The following P2RX7 variants were observed in gnomAD, a reference collection of about 807,000 sequenced individuals.
P2RX7 encodes purinergic receptor P2X 7.
P2RX7 carries 62 observed loss-of-function variants against 71.6 expected under a neutral mutation model. The observed-to-expected ratio is 0.87, with a 90% CI of 0.71 to 1.07. The LOEUF is 1.07. P2RX7 is among the 50% of genes least tolerant of loss of function. The pLI is 0.00. For missense variants in P2RX7, 686 were observed against 748.5 expected, an observed-to-expected ratio of 0.92 and a Z score of 0.97; for synonymous variants, 299 against 283.3, an observed-to-expected ratio of 1.06 and a Z score of -0.56.
chr12:121,160,988 C>A lies in P2RX7; in HGVS notation c.436+14C>A, dbSNP rs112278868. ...CGCAGAGCAAAGGTACCTTCTGTTT[C>A]TTTTCCCGAGACCCTAGGGGTGGAT... On this transcript the variant is annotated intron_variant, in intron 4 of 12. Coordinates refer to ENST00000328963, the MANE Select transcript of P2RX7 (RefSeq NM_002562.6). 1.3e-3 allele frequency: 2,156 copies of A among 1,606,310 alleles called. 30 individuals are homozygous for A. In the African/African-American group the frequency reaches 0.025, roughly 19 times the overall value.
At chr12:121,142,812 G>A (rs1321322596) in intron 1 of P2RX7, among the ~76,000 whole-genome samples, 3 of 152,140 alleles carry the variant, frequency 2.0e-5, no homozygotes, top group African/African-American at 7.2e-5. Flanking sequence ...ACTTTGGCCA[G>A]GTGCAGTGGC....
At chr12:121,174,704 C>G (rs555548877) in intron 8 of P2RX7, among the ~76,000 whole-genome samples, 1 of 152,040 alleles carries the variant, frequency 6.6e-6, no homozygotes, top group African/African-American at 2.4e-5. Context: ...GATGCCAAAC[C>G]TCTTCTTCCC....
chr12:121,148,883 G>A (rs982139449), intron 1 of P2RX7: 82 of 332,068 alleles, frequency 2.5e-4, no homozygotes, highest in Middle Eastern at 1.0e-3. Flanking sequence ...CAGTCCTGGC[G>A]CTACTGTTCT....
At chr12:121,177,076 C>A (rs1001782858) in intron 9 of P2RX7, 71 bp from the exon 10 acceptor site, 6 of 1,356,210 alleles carry the variant, frequency 4.4e-6, no homozygotes, top group Non-Finnish European at 6.3e-6. Flanking sequence ...ATAGAACCAA[C>A]AATTGCACGT....
At chr12:121,134,112 G>A (rs543165442) in intron 1 of P2RX7, among the ~76,000 whole-genome samples, 1 of 152,264 alleles carries the variant, frequency 6.6e-6, no homozygotes, top group South Asian at 2.1e-4. Context: ...ATGGACATTG[G>A]GGTTGTTTCT....
At chr12:121,178,580 T>C (rs1048135389) in intron 11 of P2RX7, among the ~76,000 whole-genome samples, 3 of 152,006 alleles carry the variant, frequency 2.0e-5, no homozygotes, top group African/African-American at 7.2e-5. Context: ...TCACTTGAGG[T>C]CAAGAGTTCG....
chr12:121,145,774 G>C (rs1028084074), intron 1 of P2RX7, among the ~76,000 whole-genome samples: 6 of 152,080 alleles, frequency 3.9e-5, no homozygotes, highest in Non-Finnish European at 8.8e-5. Context: ...CCAAAGTGCT[G>C]GGATTACAGG....
In P2RX7 at chr12:121,166,047, A is replaced by C. The variant is rs1272617120; in HGVS notation, c.615-11A>C. The C allele has an allele frequency of 1.9e-6, 3 of 1,610,546 alleles. No individual in the cohort carries two copies. The South Asian group carries it at 3.3e-5, about 18-fold the overall frequency. On this transcript the variant is annotated splice_polypyrimidine_tract_variant and intron_variant, in intron 6 of 12. Coordinates refer to ENST00000328963, the MANE Select transcript of P2RX7 (RefSeq NM_002562.6). ...ATGTTTGTTTGTTTGTTTGCTTTTA[A>C]TTATGCACAGGAGAAACATCCTGCC...
At chr12:121,180,725 G>T (rs972301207) in intron 12 of P2RX7, among the ~76,000 whole-genome samples, 2 of 152,070 alleles carry the variant, frequency 1.3e-5, no homozygotes, top group Non-Finnish European at 2.9e-5. Flanking sequence ...CACTTTGGGA[G>T]GCCAAGGTGG....
At position 121,166,145 on chromosome 12, in the gene P2RX7, C is replaced by T; in HGVS notation, c.702C>T (p.Ile234=). The change falls in exon 7 of 13, where the codon ATC becomes ATT. Residue 234 remains isoleucine (I), a synonymous_variant. Transcript: ENST00000328963. ...GTCCCATTTTCCGACTAGGAGACAT[C>T]TTCCGAGAAACAGGCGATAATTTTT... ...PQCPIFRLGD[I]FRETGDNFSD... The T allele has an allele frequency of 1.2e-6, 2 of 1,614,046 alleles. No homozygotes were observed. Among genetic ancestry groups the T allele is most frequent in the South Asian group, 2.2e-5 (2 of 91,080 alleles).
intron 8 of P2RX7, among the ~76,000 whole-genome samples, chr12:121,170,710 G>T (rs1409561849): frequency 2.6e-5 from 4 of 152,120 alleles, no homozygotes. Flanking sequence ...GAAGGTGGAG[G>T]TTGCAGTGAG....
intron 12 of P2RX7, among the ~76,000 whole-genome samples, chr12:121,183,576 A>AG (rs1884480819): frequency 1.2e-5 from 1 of 84,198 alleles, no homozygotes; most frequent in Non-Finnish European, 2.4e-5. Context: ...ATCTCAAAAA[A>AG]AAAAAACAAC....
In P2RX7 at chr12:121,154,872, G is replaced by T; in HGVS notation, c.213G>T (p.Val71=). Residue 71 remains valine (V), a synonymous_variant, in exon 2 of 13, where the codon GTG becomes GTT. Transcript: ENST00000328963. This position sits in a 1 kb window ranked among gnomAD's most constrained non-coding sequence, Gnocchi z 4.2. The part of the protein sequence containing the change: ...VHTKVKGIAE[V]KEEIVENGVK... ...CCAAGGTGAAGGGGATAGCAGAGGT[G>T]AAAGAGGAGATCGTGGAGAATGGAG... 1 of 1,614,206 alleles carries T rather than the reference G, an allele frequency of 6.2e-7. No homozygotes were observed. Among genetic ancestry groups the T allele is most frequent in the Non-Finnish European group, 8.5e-7 (1 of 1,180,020 alleles).
At chr12:121,134,544 A>G (rs1441071461) in intron 1 of P2RX7, among the ~76,000 whole-genome samples, 1 of 152,150 alleles carries the variant, frequency 6.6e-6, no homozygotes, top group African/African-American at 2.4e-5. Flanking sequence ...GGTGTGCGTC[A>G]CCACTCCTCA....
At chr12:121,140,399 C>G (rs1022033193) in intron 1 of P2RX7, among the ~76,000 whole-genome samples, 4 of 152,206 alleles carry the variant, frequency 2.6e-5, no homozygotes, top group South Asian at 2.1e-4. Context: ...TTTCTAGAAG[C>G]CTTATGGGCC....
chr12:121,154,993 C>A lies in P2RX7; in HGVS notation c.294+40C>A. ...GCATTCTCCCAGGCTCGTCGCTGGT[C>A]ACCGTCGCCAGGGCCTAGCTCCCTT... On this transcript the variant is annotated intron_variant, in intron 2 of 12. Transcript: ENST00000328963. This position sits in a 1 kb window ranked among gnomAD's most constrained non-coding sequence, Gnocchi z 4.2. The A allele has an allele frequency of 1.2e-6, 2 of 1,608,908 alleles. No individual in the cohort carries two copies. Among genetic ancestry groups the A allele is most frequent in the South Asian group, 2.2e-5 (2 of 90,222 alleles).
chr12:121,165,700 G>A (rs1209227133), intron 6 of P2RX7, among the ~76,000 whole-genome samples: 1 of 152,224 alleles, frequency 6.6e-6, no homozygotes, highest in Non-Finnish European at 1.5e-5. Flanking sequence ...GCTCGTGGGA[G>A]AGCTCAGTTC....
At chr12:121,175,586 C>A in intron 9 of P2RX7, 108 bp downstream of exon 9, 1 of 675,046 alleles carries the variant, frequency 1.5e-6, no homozygotes. Context: ...CTTCAGCTAG[C>A]ACTGGGCATT....
At chr12:121,179,956 C>G (rs541439472) in intron 11 of P2RX7, among the ~76,000 whole-genome samples, 75 of 152,012 alleles carry the variant, frequency 4.9e-4, no homozygotes, top group African/African-American at 1.8e-3. Context: ...TCAAGACCAG[C>G]CTGACCAACA....
Sources: allele counts gnomAD v4.1 joint callset (sites outside exome capture counted in the v4.1 genomes callset), GRCh38; gene constraint gnomAD v4.1.1; non-coding constraint Gnocchi (gnomAD v3.1); transcripts MANE v1.5; gene names NCBI Gene and HGNC (gene_info 2026-07-23, HGNC 2026-07-21).